The following TRAK1 variants were observed in gnomAD, a reference collection of about 807,000 sequenced individuals.
TRAK1 encodes trafficking kinesin protein 1.
TRAK1 carries 33 observed loss-of-function variants against 92.1 expected under a neutral mutation model. The ratio of observed to expected loss-of-function variants is 0.36; its 90% confidence interval spans 0.27 to 0.48. The LOEUF is 0.48. Among genes scored for constraint, TRAK1 ranks in the 20% least tolerant of loss-of-function variants. The pLI, the probability that TRAK1 is intolerant of heterozygous loss-of-function variation, is 0.99. For synonymous variants in TRAK1, 521 were observed against 517.3 expected, an observed-to-expected ratio of 1.01 and a Z score of -0.10; for missense variants, 1,123 against 1,257.9, an observed-to-expected ratio of 0.89 and a Z score of 1.62.
chr3:42,059,722 T>C (rs1415698098), intron 1 of TRAK1, among the ~76,000 whole-genome samples: 1 of 152,258 alleles, frequency 6.6e-6, no homozygotes, highest in Admixed American at 6.5e-5. Flanking sequence ...TTTATTCTTC[T>C]ACAGAGAGAC....
intron 1 of TRAK1, among the ~76,000 whole-genome samples, chr3:42,068,326 T>C (rs1703769193): frequency 6.6e-6 from 1 of 152,104 alleles, no homozygotes; most frequent in African/African-American, 2.4e-5. Context: ...CCAGCTAACT[T>C]TTTTTCTTTT....
chr3:42,061,968 C>T (rs1194405594), intron 1 of TRAK1, among the ~76,000 whole-genome samples: 2 of 152,332 alleles, frequency 1.3e-5, no homozygotes, highest in African/African-American at 4.8e-5. Context: ...GACGCCATCC[C>T]TCCAGAATGC....
intron 15 of TRAK1, among the ~76,000 whole-genome samples, chr3:42,220,328 A>G (rs1424102737): frequency 6.6e-6 from 1 of 152,154 alleles, no homozygotes; most frequent in East Asian, 1.9e-4. Context: ...GCCTGATTTC[A>G]GGCCTTTCAC....
At chr3:42,192,180 G>A (rs886560647) in intron 7 of TRAK1, among the ~76,000 whole-genome samples, 3 of 152,088 alleles carry the variant, frequency 2.0e-5, no homozygotes, top group Non-Finnish European at 4.4e-5. Context: ...GGGATTACAG[G>A]CGTGAGCCAC....
At chr3:42,070,133 A>AATCCACTGT (rs1703856172) in intron 1 of TRAK1, among the ~76,000 whole-genome samples, 1 of 151,876 alleles carries the variant, frequency 6.6e-6, no homozygotes, top group Non-Finnish European at 1.5e-5. Flanking sequence ...TTACAGGTTT[A>AATCCACTGT]ATCCACTGTG....
At chr3:42,049,619 C>CT (rs1702902148) in intron 1 of TRAK1, among the ~76,000 whole-genome samples, 1 of 152,060 alleles carries the variant, frequency 6.6e-6, no homozygotes, top group Non-Finnish European at 1.5e-5. Context: ...AATTGATCCT[C>CT]TGTTTTTCTT....
chr3:42,166,546 C>T (rs1252901060), intron 2 of TRAK1, among the ~76,000 whole-genome samples: 1 of 152,140 alleles, frequency 6.6e-6, no homozygotes, highest in Non-Finnish European at 1.5e-5. Flanking sequence ...AAATGAGGCT[C>T]ATATGTATGT....
intron 1 of TRAK1, among the ~76,000 whole-genome samples, chr3:42,113,399 T>TACCC (rs1708746532): frequency 1.4e-4 from 3 of 22,060 alleles, no homozygotes; most frequent in African/African-American, 5.4e-4. Context: ...TACCCCTACC[T>TACCC]CTACCCCTAC....
intron 4 of TRAK1, among the ~76,000 whole-genome samples, chr3:42,186,755 C>A (rs1240524790): frequency 2.6e-5 from 4 of 152,126 alleles, no homozygotes; most frequent in African/African-American, 9.7e-5. Context: ...TGCCTTTTTT[C>A]CCCCTTGGAA....
intron 1 of TRAK1, among the ~76,000 whole-genome samples, chr3:42,045,256 C>T (rs186724593): frequency 1.4e-4 from 21 of 152,152 alleles, no homozygotes; most frequent in African/African-American, 4.6e-4. Flanking sequence ...AAACCCAGGC[C>T]GGGCATGGTG....
At chr3:42,115,542 A>T (rs1474272612) in intron 1 of TRAK1, among the ~76,000 whole-genome samples, 1 of 152,210 alleles carries the variant, frequency 6.6e-6, no homozygotes, top group Non-Finnish European at 1.5e-5. Flanking sequence ...TCGGTACGTG[A>T]CACCAGGCTA....
intron 14 of TRAK1, among the ~76,000 whole-genome samples, chr3:42,213,353 G>A (rs1709307282): frequency 6.6e-6 from 1 of 152,136 alleles, no homozygotes. Context: ...CACCACATCT[G>A]GCCTAGAGCT....
At chr3:42,072,456 C>T (rs1315412743) in intron 1 of TRAK1, among the ~76,000 whole-genome samples, 43 of 152,230 alleles carry the variant, frequency 2.8e-4, no homozygotes, top group Non-Finnish European at 1.2e-4. Flanking sequence ...GCCTGGTTTC[C>T]TGTGGCAGGA....
At chr3:42,211,940 G>C (rs1709095972) in intron 14 of TRAK1, 1 of 985,276 alleles carries the variant, frequency 1.0e-6, no homozygotes, top group Non-Finnish European at 1.2e-6. Context: ...GGTTGCCAAA[G>C]GTAATTTAGG....
At chr3:42,063,449 G>C (rs1341993687) in intron 1 of TRAK1, among the ~76,000 whole-genome samples, 1 of 152,192 alleles carries the variant, frequency 6.6e-6, no homozygotes, top group Non-Finnish European at 1.5e-5. Context: ...ACTTTGGGAG[G>C]CTGAGGCGGG....
chr3:42,195,168 C>T (rs964678485), intron 10 of TRAK1, among the ~76,000 whole-genome samples: 4 of 152,178 alleles, frequency 2.6e-5, no homozygotes, highest in African/African-American at 9.7e-5. Flanking sequence ...TTTTCTACTC[C>T]TGCCATTAAA....
At chr3:42,190,378 G>T (rs528053767) in intron 6 of TRAK1, among the ~76,000 whole-genome samples, 1 of 152,152 alleles carries the variant, frequency 6.6e-6, no homozygotes, top group South Asian at 2.1e-4. Context: ...TGAACAAGAT[G>T]CTCTTCTGCA....
intron 1 of TRAK1, among the ~76,000 whole-genome samples, chr3:42,119,449 G>C (rs1281097921): frequency 6.6e-6 from 1 of 152,178 alleles, no homozygotes; most frequent in African/African-American, 2.4e-5. Flanking sequence ...GGCTGGGCTT[G>C]ATAAGAAAGG....
At chr3:42,027,695 T>C (rs11706533) in intron 1 of TRAK1, among the ~76,000 whole-genome samples, 19,869 of 152,060 alleles carry the variant, frequency 0.13, 1,675 homozygotes, top group Admixed American at 0.22. Flanking sequence ...AGAATAGAGG[T>C]ACTGAAATGG....
Sources: gnomAD v4.1 joint callset for allele counts (sites outside exome capture counted in the v4.1 genomes callset) on GRCh38, gnomAD v4.1.1 for gene constraint, MANE v1.5 for transcripts, NCBI Gene and HGNC (gene_info 2026-07-23, HGNC 2026-07-21) for gene names.